OPRM1: variants seen among roughly 807,000 people sequenced by gnomAD.
OPRM1 encodes the protein opioid receptor mu 1.
A neutral mutation model predicts 31.8 loss-of-function variants in OPRM1; 27 were observed. That is an observed-to-expected ratio of 0.85 (90% confidence interval 0.63 to 1.17). The LOEUF is 1.17. Among genes scored for constraint, OPRM1 ranks in the 50% most tolerant of loss-of-function variants. The pLI is 0.00. For missense variants in OPRM1, 536 were observed against 511.1 expected (o/e 1.05, Z -0.47); for synonymous variants, 196 against 189.9 (o/e 1.03, Z -0.26).
chr6:154,118,994 A>G lies in OPRM1; in HGVS notation c.*273A>G. 8.4e-7 allele frequency: 1 copy of G among 1,193,502 alleles called. No homozygotes were observed. The highest frequency in any genetic ancestry group is 1.0e-6 in the Non-Finnish European group (1 of 961,708). The allele number at this position is 1,193,502 out of a possible 1,614,324, so 73.9% of individuals were successfully genotyped here. The stretch of plus-strand genomic sequence containing the variant: ...GAACCAAAACCCATCGTGGTATGTG[A>G]ATTGAAGTCATCATAAAAGGTGACC... On this transcript the variant is annotated 3_prime_UTR_variant, in exon 4 of 4. Coordinates refer to ENST00000330432, the MANE Select transcript of OPRM1 (RefSeq NM_000914.5).
intron 3 of OPRM1, among the ~76,000 whole-genome samples, chr6:154,099,683 A>C (rs1794186135): frequency 6.6e-6 from 1 of 150,538 alleles, no homozygotes; most frequent in African/African-American, 2.4e-5. Context: ...ACACACATAT[A>C]TATGATGTGG....
rs1780304995 is a variant in OPRM1 at position 154,238,354 on chromosome 6, C to T, written c.1165-8339C>T. On this transcript the variant is annotated intron_variant, in intron 3 of 3. Transcript: ENST00000337049. ...CACTGCAACCTCTGCCTCCCAGGTT[C>T]AAGCGATTCTCCTGCCTCACTCTCC... Among the ~76,000 whole-genome samples, 3 of 152,134 alleles carry T rather than the reference C, an allele frequency of 2.0e-5. No homozygotes were observed. The South Asian group carries it at 6.2e-4, about 32-fold the overall frequency.
At chr6:154,221,421 A>AG in intron 3 of OPRM1, 3 of 917,970 alleles carry the variant, frequency 3.3e-6, no homozygotes, top group Non-Finnish European at 5.1e-6. Context: ...AGCTTTGTAA[A>AG]CTTGTCTGCT....
intron 3 of OPRM1, among the ~76,000 whole-genome samples, chr6:154,197,707 C>G (rs1436465226): frequency 2.6e-5 from 4 of 152,190 alleles, no homozygotes; most frequent in Non-Finnish European, 5.9e-5. Flanking sequence ...TTGCATCTTC[C>G]CATGTCTCTG....
intron 1 of OPRM1, among the ~76,000 whole-genome samples, chr6:154,086,035 A>C (rs997824989): frequency 6.6e-6 from 1 of 151,906 alleles, no homozygotes; most frequent in Non-Finnish European, 1.5e-5. Context: ...TTTAGTAGAG[A>C]CAGGGTTGAC....
At chr6:154,087,672 A>G in intron 1 of OPRM1, 1 of 837,758 alleles carries the variant, frequency 1.2e-6, no homozygotes, top group Non-Finnish European at 1.4e-6. Context: ...CATCCTTGCC[A>G]TTCACCATGG....
rs553669155 is a variant in OPRM1, at chr6:154,214,048, G to T, written c.1165-32645G>T. Among the ~76,000 whole-genome samples the T allele has an allele frequency of 1.5e-3, 232 of 152,284 alleles. 1 individual carries two copies. The highest frequency in any genetic ancestry group is 3.1e-3 in the South Asian group (15 of 4,824). On this transcript the variant is annotated intron_variant, in intron 3 of 3. Transcript: ENST00000337049. ...GCATGGGAAGCTCTATTCCATGTTG[G>T]TGAGTCTGTGTGAATATGTCTGTCT... is the stretch of plus-strand genomic sequence containing the variant.
intron 2 of OPRM1, 37 bp downstream of exon 2, chr6:154,090,215 A>G (rs1791754913): frequency 2.9e-6 from 4 of 1,376,350 alleles, no homozygotes; most frequent in African/African-American, 1.4e-5. Flanking sequence ...AGGAGGGTTC[A>G]CAGCCTGATA....
At chr6:154,143,537 CT>C (rs1411200976) in intron 3 of OPRM1, among the ~76,000 whole-genome samples, 1 of 152,188 alleles carries the variant, frequency 6.6e-6, no homozygotes, top group African/African-American at 2.4e-5. Context: ...ATTGCCTTCT[CT>C]TGCATAAACT....
chr6:154,034,499 G>T (rs890868635), upstream of OPRM1, among the ~76,000 whole-genome samples: 4 of 152,202 alleles, frequency 2.6e-5, no homozygotes, highest in Non-Finnish European at 4.4e-5. Flanking sequence ...AGCGAGCTGA[G>T]ATCGCGCCAC....
intron 3 of OPRM1, among the ~76,000 whole-genome samples, chr6:154,208,761 T>G (rs1448530405): frequency 2.0e-5 from 3 of 152,352 alleles, no homozygotes; most frequent in Non-Finnish European, 4.4e-5. Flanking sequence ...GCTTATAAAA[T>G]TATCAGATTT....
chr6:154,244,457 A>G (rs1017218053), intron 3 of OPRM1, among the ~76,000 whole-genome samples: 1 of 152,154 alleles, frequency 6.6e-6, no homozygotes, highest in Non-Finnish European at 1.5e-5. Context: ...TCTCCATTCA[A>G]TGCTGCTAAT....
intron 3 of OPRM1, among the ~76,000 whole-genome samples, chr6:154,104,178 A>C (rs1795260713): frequency 6.6e-6 from 1 of 152,194 alleles, no homozygotes; most frequent in Non-Finnish European, 1.5e-5. Flanking sequence ...GGGTAGAGAG[A>C]AGCTCAGTCA....
upstream of OPRM1, among the ~76,000 whole-genome samples, chr6:154,037,366 A>C (rs1337282170): frequency 6.6e-6 from 1 of 151,974 alleles, no homozygotes; most frequent in East Asian, 1.9e-4. Context: ...ACTAAAAAAA[A>C]AAAAAAGGGA....
rs146725789 is a variant in OPRM1, at chr6:154,010,583, T to C, written c.-436T>C. 2.1e-4 allele frequency: 320 copies of C among 1,541,652 alleles called. 3 individuals are homozygous for C. In the Middle Eastern group the frequency reaches 2.4e-3, roughly 11 times the overall value. On this transcript the variant is annotated 5_prime_UTR_variant, in exon 1 of 6. Transcript: ENST00000434900. ...AGGTTCATTTGGAAGAAAATACTCC[T>C]CTGAGCTCAAAGGAAGTGTGATCTG...
intron 3 of OPRM1, among the ~76,000 whole-genome samples, chr6:154,182,743 T>C (rs760345307): frequency 1.8e-4 from 27 of 152,114 alleles, no homozygotes; most frequent in Admixed American, 3.3e-4. Flanking sequence ...ATCCAATGCA[T>C]TGTAGATAAA....
At chr6:154,134,265 C>T (rs1798000257), downstream of OPRM1, among the ~76,000 whole-genome samples, 1 of 152,188 alleles carries the variant, frequency 6.6e-6, no homozygotes, top group Non-Finnish European at 1.5e-5. Context: ...AACCCCAAAG[C>T]AGAGGAGAAG....
chr6:154,039,493 C>T lies in OPRM1; in HGVS notation c.-52C>T. 4 of 1,568,194 alleles carry T rather than the reference C, an allele frequency of 2.6e-6. No homozygotes were observed. Among genetic ancestry groups the T allele is most frequent in the Non-Finnish European group, 3.5e-6 (4 of 1,156,288 alleles). On this transcript the variant is annotated 5_prime_UTR_variant, in exon 1 of 4. Coordinates refer to ENST00000330432, the MANE Select transcript of OPRM1 (RefSeq NM_000914.5). ...CTGAGGCGCTTGGAACCCGAAAAGT[C>T]TCGGTGCTCCTGGCTACCTCGCACA...
At chr6:154,143,931 C>T (rs1332872858) in intron 3 of OPRM1, among the ~76,000 whole-genome samples, 1 of 151,616 alleles carries the variant, frequency 6.6e-6, no homozygotes, top group Non-Finnish European at 1.5e-5. Context: ...CAAGACTGAC[C>T]GAAAGAGAAA....
Sources: allele counts gnomAD v4.1 joint callset (sites outside exome capture counted in the v4.1 genomes callset), GRCh38; gene constraint gnomAD v4.1.1; transcripts MANE v1.5; gene names NCBI Gene and HGNC (gene_info 2026-07-23, HGNC 2026-07-21).